SLC25A21: variants seen among roughly 807,000 people sequenced by gnomAD.
The protein encoded by SLC25A21 is solute carrier family 25 member 21.
In SLC25A21, 47 loss-of-function variants were observed where a neutral mutation model predicts 43.8. That is an observed-to-expected ratio of 1.07 (90% CI 0.85 to 1.37). The LOEUF (loss-of-function observed/expected upper bound fraction) is 1.37, where lower values mean the gene tolerates loss of function less well. Among genes scored for constraint, SLC25A21 ranks in the 40% most tolerant of loss-of-function variants. SLC25A21 has a pLI of 0.00. For synonymous variants in SLC25A21, 131 were observed against 121.3 expected (o/e 1.08, Z -0.52); for missense variants, 352 against 350.2 (o/e 1.00, Z -0.04).
chr14:37,109,785 T>A (rs927226946), intron 1 of SLC25A21, among the ~76,000 whole-genome samples: 2 of 152,192 alleles, frequency 1.3e-5, no homozygotes, highest in Non-Finnish European at 2.9e-5. Flanking sequence ...TTTAAAACTT[T>A]TTTTTTACAT....
intron 1 of SLC25A21, among the ~76,000 whole-genome samples, chr14:36,968,732 A>C (rs1386628170): frequency 6.6e-6 from 1 of 152,146 alleles, no homozygotes; most frequent in Non-Finnish European, 1.5e-5. Flanking sequence ...CCCCGGTATG[A>C]GAATGGAAAG....
intron 1 of SLC25A21, among the ~76,000 whole-genome samples, chr14:36,894,168 T>C (rs1220668423): frequency 1.3e-5 from 2 of 152,226 alleles, no homozygotes; most frequent in Non-Finnish European, 2.9e-5. Flanking sequence ...TTCCTACCCA[T>C]AAGCATGGAA....
intron 3 of SLC25A21, among the ~76,000 whole-genome samples, chr14:36,745,005 C>T (rs1262918574): frequency 6.6e-6 from 1 of 150,754 alleles, no homozygotes; most frequent in Non-Finnish European, 1.5e-5. Context: ...GCTATCCCTC[C>T]CCAGCCCCCC....
At chr14:36,707,564 T>C (rs929779041) in intron 7 of SLC25A21, among the ~76,000 whole-genome samples, 2 of 152,180 alleles carry the variant, frequency 1.3e-5, no homozygotes, top group African/African-American at 4.8e-5. Context: ...TACAATCTAG[T>C]ATATATTTAC....
intron 1 of SLC25A21, among the ~76,000 whole-genome samples, chr14:37,031,750 A>G (rs935295159): frequency 2.6e-5 from 4 of 152,242 alleles, no homozygotes; most frequent in Non-Finnish European, 5.9e-5. Context: ...GACCTTAGAA[A>G]CTATCATTCC....
intron 2 of SLC25A21, among the ~76,000 whole-genome samples, chr14:36,832,339 T>C (rs1289022168): frequency 2.6e-5 from 4 of 152,190 alleles, no homozygotes; most frequent in African/African-American, 9.6e-5. Flanking sequence ...TTTATGCCTC[T>C]TTGTTTTTCC....
chr14:37,085,014 T>C, intron 1 of SLC25A21, among the ~76,000 whole-genome samples: 1 of 152,204 alleles, frequency 6.6e-6, no homozygotes, highest in East Asian at 1.9e-4. Flanking sequence ...TTTTTCATTG[T>C]CTGGTTTTTT....
At chr14:37,067,089 A>G (rs1467958216) in intron 1 of SLC25A21, among the ~76,000 whole-genome samples, 2 of 152,170 alleles carry the variant, frequency 1.3e-5, no homozygotes, top group African/African-American at 4.8e-5. Flanking sequence ...AGTAACATAT[A>G]TTTAACTAGA....
At chr14:37,073,865 C>T (rs1239735177) in intron 1 of SLC25A21, among the ~76,000 whole-genome samples, 2 of 151,966 alleles carry the variant, frequency 1.3e-5, no homozygotes, top group Non-Finnish European at 2.9e-5. Flanking sequence ...ACCATTTTCG[C>T]ATATTTCTGT....
rs115810170 is a variant in SLC25A21 at position 36,868,280 on chromosome 14, T to C, written c.119+6676A>G. Among the ~76,000 whole-genome samples, 427 of 152,282 alleles carry C rather than the reference T, an allele frequency of 2.8e-3. 1 individual carries two copies. Among genetic ancestry groups the C allele is most frequent in the African/African-American group, 1.0e-2 (414 of 41,570 alleles). On this transcript the variant is annotated intron_variant, in intron 2 of 9. Coordinates refer to ENST00000331299, the MANE Select transcript of SLC25A21 (RefSeq NM_030631.4). ...TTAATGAGGGGTCCACTCACAATTATACACACAGCTCTGTTTGTGTATAAA... is the reference window on the plus strand; with the variant it reads ...TTAATGAGGGGTCCACTCACAATTACACACACAGCTCTGTTTGTGTATAAA...
intron 1 of SLC25A21, among the ~76,000 whole-genome samples, chr14:36,968,787 A>G (rs1372818318): frequency 1.3e-5 from 2 of 152,226 alleles, no homozygotes; most frequent in African/African-American, 2.4e-5. Flanking sequence ...ACAGTGAGAC[A>G]TGATGCCATT....
chr14:36,968,717 A>C (rs74045211), intron 1 of SLC25A21, among the ~76,000 whole-genome samples: 3,655 of 152,158 alleles, frequency 0.024, 129 homozygotes, highest in African/African-American at 0.078. Flanking sequence ...TAAACTAAGG[A>C]GCCTCCCCGG....
intron 1 of SLC25A21, among the ~76,000 whole-genome samples, chr14:36,977,149 T>C (rs759847582): frequency 5.9e-5 from 9 of 152,224 alleles, no homozygotes; most frequent in Admixed American, 3.3e-4. Context: ...TTGATCCAAT[T>C]ATTTATTCCA....
At chr14:36,761,128 T>C (rs1475228702) in intron 3 of SLC25A21, among the ~76,000 whole-genome samples, 1 of 152,174 alleles carries the variant, frequency 6.6e-6, no homozygotes, top group Non-Finnish European at 1.5e-5. Flanking sequence ...CTCCTGCCCA[T>C]TCTCTCGTGA....
At chr14:37,085,349 C>A (rs558818599) in intron 1 of SLC25A21, among the ~76,000 whole-genome samples, 2 of 152,290 alleles carry the variant, frequency 1.3e-5, no homozygotes, top group Admixed American at 6.5e-5. Flanking sequence ...TTAAAGAGTT[C>A]TCTGTCTTGC....
intron 7 of SLC25A21, among the ~76,000 whole-genome samples, chr14:36,705,688 CTTTGAAGATG>C (rs1237411362): frequency 6.6e-6 from 1 of 152,092 alleles, no homozygotes; most frequent in Non-Finnish European, 1.5e-5. Context: ...AAACCAAGTA[CTTTGAAGATG>C]AAAAACACTG....
chr14:37,066,108 T>C lies in SLC25A21; in HGVS notation c.70+106173A>G, dbSNP rs565895834. On this transcript the variant is annotated intron_variant, in intron 1 of 9. Transcript: ENST00000331299. ...TTAGATGGTGGAGAAATCAGGTAAC[T>C]TAACCGATTCATCAGAATTGGTATC... Among the ~76,000 whole-genome samples the C allele has an allele frequency of 3.3e-5, 5 of 152,232 alleles. No individual in the cohort carries two copies. In the South Asian group the frequency reaches 1.0e-3, roughly 32 times the overall value.
intron 2 of SLC25A21, among the ~76,000 whole-genome samples, chr14:36,847,540 T>A (rs981626320): frequency 6.6e-6 from 1 of 152,204 alleles, no homozygotes; most frequent in Admixed American, 6.5e-5. Flanking sequence ...AATCACCTTA[T>A]TCTGCCTGGG....
intron 5 of SLC25A21, among the ~76,000 whole-genome samples, chr14:36,728,691 T>C (rs1315701549): frequency 6.6e-6 from 1 of 152,256 alleles, no homozygotes; most frequent in East Asian, 1.9e-4. Context: ...TTGGACAGCC[T>C]ATTTGGCAGA....
Sources: allele counts gnomAD v4.1 joint callset (sites outside exome capture counted in the v4.1 genomes callset), GRCh38; gene constraint gnomAD v4.1.1; transcripts MANE v1.5; gene names NCBI Gene and HGNC (gene_info 2026-07-23, HGNC 2026-07-21).